The following PACRG variants were observed in gnomAD, a reference collection of about 807,000 sequenced individuals.
PACRG encodes the protein parkin coregulated, also known as parkin coregulated gene protein.
A neutral mutation model predicts 29.7 loss-of-function variants in PACRG; 29 were observed. The observed-to-expected ratio is 0.98, with a 90% CI of 0.73 to 1.33. The LOEUF is 1.33. Among genes scored for constraint, PACRG ranks in the 40% most tolerant of loss-of-function variants. The pLI, the probability that PACRG is intolerant of heterozygous loss-of-function variation, is 0.00. For synonymous variants in PACRG, 116 were observed against 118.7 expected (o/e 0.98, Z 0.15); for missense variants, 279 against 316.2 (o/e 0.88, Z 0.89).
rs142390031 is a variant in PACRG, at chr6:163,308,762, A to G, written c.614-6065A>G. 3.7e-3 allele frequency among the ~76,000 whole-genome samples: 559 copies of G among 152,210 alleles called. 5 individuals carry two copies. The highest frequency in any genetic ancestry group is 5.1e-3 in the Non-Finnish European group (348 of 68,016). ...AAACATGATAATAATAAATGCAGTG[A>G]GTTCCACCTGCACAAACCTGCCAAG... On this transcript the variant is annotated intron_variant, in intron 4 of 4. Transcript: ENST00000366888.
chr6:162,908,413 C>T (rs1373895471), intron 2 of PACRG, among the ~76,000 whole-genome samples: 1 of 152,238 alleles, frequency 6.6e-6, no homozygotes, highest in African/African-American at 2.4e-5. Context: ...TCCATTGGCA[C>T]ACATACAGAA....
chr6:162,851,866 A>C (rs930035502), intron 2 of PACRG, among the ~76,000 whole-genome samples: 1 of 152,068 alleles, frequency 6.6e-6, no homozygotes, highest in Non-Finnish European at 1.5e-5. Flanking sequence ...AATGGTGTCC[A>C]TCTACCTATC....
chr6:163,151,859 T>C (rs1458357798), intron 4 of PACRG, among the ~76,000 whole-genome samples: 1 of 152,248 alleles, frequency 6.6e-6, no homozygotes, highest in Non-Finnish European at 1.5e-5. Flanking sequence ...AATTTGCAGA[T>C]GTGTTACATA....
intron 3 of PACRG, among the ~76,000 whole-genome samples, chr6:163,076,300 TAAG>T (rs1403989028): frequency 6.6e-6 from 1 of 152,188 alleles, no homozygotes; most frequent in South Asian, 2.1e-4. Flanking sequence ...TGTGTAATTC[TAAG>T]AGGTCAGCTA....
intron 4 of PACRG, among the ~76,000 whole-genome samples, chr6:163,246,090 C>T (rs999378660): frequency 3.9e-5 from 6 of 152,210 alleles, no homozygotes; most frequent in Non-Finnish European, 7.3e-5. Flanking sequence ...AATGGTCTTT[C>T]TCAAAGTTCA....
At chr6:162,837,000 T>C (rs1447620356) in intron 2 of PACRG, among the ~76,000 whole-genome samples, 1 of 152,198 alleles carries the variant, frequency 6.6e-6, no homozygotes, top group African/African-American at 2.4e-5. Context: ...AAGACTCATA[T>C]GCTTCTTTAC....
intron 1 of PACRG, 99 bp from the exon 2 acceptor site, chr6:162,814,048 T>C: frequency 8.5e-6 from 11 of 1,301,256 alleles, no homozygotes; most frequent in Non-Finnish European, 1.1e-5. Context: ...TCCAACATAT[T>C]TATACAAACT....
At chr6:163,272,971 A>G (rs1311624858) in intron 4 of PACRG, among the ~76,000 whole-genome samples, 3 of 129,772 alleles carry the variant, frequency 2.3e-5, no homozygotes, top group Non-Finnish European at 4.6e-5. Context: ...GGCTCACTGC[A>G]AGCTCCGCCT....
chr6:163,069,282 C>A, intron 3 of PACRG, among the ~76,000 whole-genome samples: 1 of 127,050 alleles, frequency 7.9e-6, no homozygotes, highest in African/African-American at 3.3e-5. Flanking sequence ...AACATGAACT[C>A]ACCAAAAAAA....
chr6:162,792,510 C>T (rs763872195), intron 1 of PACRG, among the ~76,000 whole-genome samples: 2 of 152,082 alleles, frequency 1.3e-5, no homozygotes, highest in East Asian at 1.9e-4. Flanking sequence ...AGGTCAAGAC[C>T]GTGATAGAAC....
chr6:163,008,078 T>C (rs1305549486), intron 2 of PACRG, among the ~76,000 whole-genome samples: 1 of 152,140 alleles, frequency 6.6e-6, no homozygotes, highest in African/African-American at 2.4e-5. Flanking sequence ...TTAGAGAAAA[T>C]GAAGGGACTT....
chr6:163,163,928 T>C (rs1183213685), intron 4 of PACRG, among the ~76,000 whole-genome samples: 1 of 152,108 alleles, frequency 6.6e-6, no homozygotes, highest in Non-Finnish European at 1.5e-5. Flanking sequence ...ATTTTACAGA[T>C]AAATAGATAT....
chr6:162,920,625 T>G (rs761023881), intron 2 of PACRG, among the ~76,000 whole-genome samples: 16 of 152,202 alleles, frequency 1.1e-4, no homozygotes, highest in Non-Finnish European at 2.2e-4. Context: ...GGGTATGCAA[T>G]GTGGAAAAGA....
At chr6:163,080,717 T>A (rs1405060951) in intron 3 of PACRG, among the ~76,000 whole-genome samples, 1 of 152,238 alleles carries the variant, frequency 6.6e-6, no homozygotes, top group Non-Finnish European at 1.5e-5. Flanking sequence ...CATGAAAGAA[T>A]ATATTTTGAT....
chr6:162,778,182 T>A (rs543124135), intron 1 of PACRG, among the ~76,000 whole-genome samples: 10 of 152,248 alleles, frequency 6.6e-5, no homozygotes, highest in African/African-American at 2.2e-4. Flanking sequence ...GCGCTGAGGC[T>A]AAAGGAAAAG....
At chr6:162,807,968 CTTA>C (rs1048074617) in intron 1 of PACRG, among the ~76,000 whole-genome samples, 35 of 152,066 alleles carry the variant, frequency 2.3e-4, no homozygotes, top group African/African-American at 4.3e-4. Context: ...ATTGTTATAA[CTTA>C]TTATAATCAT....
chr6:163,148,961 CGGGGGGGG>C (rs58611407), intron 4 of PACRG, among the ~76,000 whole-genome samples: 281 of 9,028 alleles, frequency 0.031, 1 homozygote, highest in Non-Finnish European at 0.035. Flanking sequence ...AAATCTATGG[CGGGGGGGG>C]GGGGGGGGGG....
At chr6:163,048,434 T>C (rs1206776538) in intron 2 of PACRG, among the ~76,000 whole-genome samples, 1 of 152,226 alleles carries the variant, frequency 6.6e-6, no homozygotes, top group Non-Finnish European at 1.5e-5. Context: ...TGAAAAATTC[T>C]GGCATTTCTG....
At chr6:162,857,410 G>A (rs965641130) in intron 2 of PACRG, among the ~76,000 whole-genome samples, 1 of 152,206 alleles carries the variant, frequency 6.6e-6, no homozygotes, top group Non-Finnish European at 1.5e-5. Flanking sequence ...CAGAATTAGA[G>A]TAGAGATGCT....
Sources: allele counts gnomAD v4.1 joint callset (sites outside exome capture counted in the v4.1 genomes callset), GRCh38; gene constraint gnomAD v4.1.1; transcripts MANE v1.5; gene names NCBI Gene and HGNC (gene_info 2026-07-23, HGNC 2026-07-21).